RBM42: variants seen among roughly 807,000 people sequenced by gnomAD.
RBM42 encodes the protein RNA binding motif protein 42, also known as RNA-binding protein 42.
RBM42 carries 21 observed loss-of-function variants against 41.4 expected under a neutral mutation model. That is an observed-to-expected ratio of 0.51 (90% confidence interval 0.36 to 0.73). The LOEUF (loss-of-function observed/expected upper bound fraction) is 0.73. RBM42 is among the 30% of genes least tolerant of loss of function. RBM42 has a pLI of 0.00. For missense variants in RBM42, 539 were observed against 680.4 expected, an observed-to-expected ratio of 0.79 and a Z score of 2.31; for synonymous variants, 272 against 271.2, an observed-to-expected ratio of 1.00 and a Z score of -0.03.
chr19:35,634,932 C>G (rs1967470964), intron 8 of RBM42, among the ~76,000 whole-genome samples: 1 of 152,078 alleles, frequency 6.6e-6, no homozygotes, highest in Admixed American at 6.5e-5. Context: ...GTGTATGTAT[C>G]TGGTTTCTTT....
chr19:35,637,652 AAAACCAGTTTCAAT>A lies in RBM42; in HGVS notation c.*102_*115del, dbSNP rs1967523570. 1.1e-6 allele frequency: 1 copy of A among 897,152 alleles called. No homozygotes were observed. The highest frequency in any genetic ancestry group is 1.7e-5 in the African/African-American group (1 of 59,016). The allele number at this position is 897,152 out of a possible 1,614,324, so 55.6% of individuals were successfully genotyped here. A position where few individuals can be genotyped will look rare whatever the true frequency, so the allele number is the denominator to read the frequency against. ...CAGCTGTCCACCCATCCCCTGCCCC[AAAACCAGTTTCAAT>A]AAATTTACGTTCATTTCCACCCCTG... On this transcript the variant is annotated 3_prime_UTR_variant, in exon 10 of 10. Coordinates refer to ENST00000262633, the MANE Select transcript of RBM42 (RefSeq NM_024321.5). The surrounding 1 kb of genome is among the most constrained non-coding windows in gnomAD (Gnocchi z 7.0).
At position 35,633,102 on chromosome 19, in the gene RBM42, C is replaced by T. The variant is rs1034844747; in HGVS notation, c.534C>T (p.Ala178=). 1.8e-5 allele frequency: 29 copies of T among 1,612,598 alleles called. No homozygotes were observed. Among genetic ancestry groups the T allele is most frequent in the African/African-American group, 9.3e-5 (7 of 74,898 alleles). ...ATTCCGCTCTCTCCTCTGCAGCAGC[C>T]GGCCCCCGCCCTATGGCCCTACGGC... ...RADSALSSAA[A]GPRPMALRPP... is the part of the protein sequence containing the mutation. The change falls in exon 6 of 10, where the codon GCC becomes GCT. Residue 178 remains alanine, a synonymous_variant. Coordinates refer to ENST00000262633, the MANE Select transcript of RBM42 (RefSeq NM_024321.5).
rs1967458143 is a variant in RBM42 at position 35,634,242 on chromosome 19, C to T, written c.1018-14C>T. On this transcript the variant is annotated splice_polypyrimidine_tract_variant and intron_variant, in intron 7 of 9. Coordinates refer to ENST00000262633, the MANE Select transcript of RBM42 (RefSeq NM_024321.5). ...AATACCAACCCCTTTGCACCTCTCC[C>T]CTTTCCTCTGCAGGTCCCAGAGCCC... is the stretch of plus-strand genomic sequence containing the variant. 1 of 1,612,584 alleles carries T rather than the reference C, an allele frequency of 6.2e-7. No homozygotes were observed. Among genetic ancestry groups the T allele is most frequent in the Non-Finnish European group, 8.5e-7 (1 of 1,178,670 alleles).
In RBM42 at chr19:35,631,409, A is replaced by G; in HGVS notation, c.442+4A>G. 6.2e-7 allele frequency: 1 copy of G among 1,613,978 alleles called. No individual in the cohort carries two copies. Among genetic ancestry groups the G allele is most frequent in the East Asian group, 2.2e-5 (1 of 44,878 alleles). ...GCCATGTTCCTGCGGCGGGCAGGTG[A>G]GTCTGGGGCCAGGGACCCCCACATT... On this transcript the variant is annotated splice_donor_region_variant and intron_variant, in intron 4 of 9. Coordinates refer to ENST00000262633, the MANE Select transcript of RBM42 (RefSeq NM_024321.5).
chr19:35,629,281 T>G lies in RBM42; in HGVS notation c.128T>G (p.Leu43Arg). The G allele has an allele frequency of 6.6e-7, 1 of 1,526,080 alleles. No individual in the cohort carries two copies. The highest frequency in any genetic ancestry group is 8.8e-7 in the Non-Finnish European group (1 of 1,140,092). The allele number at this position is 1,526,080 out of a possible 1,614,324, so 94.5% of individuals were successfully genotyped here. Residue 43 changes from leucine (L) to arginine (R), a missense_variant and splice_region_variant, in exon 1 of 10, where the codon CTG (leucine) becomes CGG (arginine). Leu to Arg is a moderately radical substitution (Grantham distance 102). Transcript: ENST00000262633. ...AAGGAAATGGAGGCGGAGATGGCCCTGTAAGGCCCGCGACAGAGAGTGATA... is the reference window on the plus strand; with the variant it reads ...AAGGAAATGGAGGCGGAGATGGCCCGGTAAGGCCCGCGACAGAGAGTGATA... ...RLKEMEAEMA[L>R]FEQEVLGAPV...
Position 35,633,668 on chromosome 19 carries a change from G to T in RBM42, c.685-19G>T. 1 of 1,422,496 alleles carries T rather than the reference G, an allele frequency of 7.0e-7. No homozygotes were observed. The allele number at this position is 1,422,496 out of a possible 1,614,324, so 88.1% of individuals were successfully genotyped here. The stretch of plus-strand genomic sequence containing the variant: ...GAGCCTGTGAGCCGGCCCCCCTCAT[G>T]CTCTCCTCTTACCCACAGGAAGAGC... On this transcript the variant is annotated intron_variant, in intron 6 of 9. Coordinates refer to ENST00000262633, the MANE Select transcript of RBM42 (RefSeq NM_024321.5).
chr19:35,629,408 G>A, intron 1 of RBM42, 112 bp from the exon 2 acceptor site: 16 of 1,537,174 alleles, frequency 1.0e-5, no homozygotes, highest in Non-Finnish European at 1.3e-5. Flanking sequence ...TCGGGATTGT[G>A]GGGGCGGGGA....
chr19:35,634,331 G>T lies in RBM42; in HGVS notation c.1093G>T (p.Gly365Trp). The T allele has an allele frequency of 6.2e-7, 1 of 1,614,150 alleles. No individual in the cohort carries two copies. The highest frequency in any genetic ancestry group is 1.1e-5 in the South Asian group (1 of 91,032). ...KLKRCIRTAA[G>W]SSWEDPSLLE... ...GAAACGGTGCATTCGCACAGCGGCA[G>T]GGAGCAGCTGGGAGGACCCCAGCCT... The change falls in exon 8 of 10, where the codon GGG (glycine) becomes TGG (tryptophan). Residue 365 changes from glycine to tryptophan, a missense_variant. Around this residue, in one of 2 missense-constraint regions of RBM42, gnomAD observed 110 missense variants for 191.5 expected, o/e 0.57. Coordinates refer to ENST00000262633, the MANE Select transcript of RBM42 (RefSeq NM_024321.5).
At chr19:35,634,227 C>T (rs1385425141) in intron 7 of RBM42, 29 bp from the exon 8 acceptor site, 1 of 1,605,480 alleles carries the variant, frequency 6.2e-7, no homozygotes. Flanking sequence ...AATACCAACC[C>T]CTTTGCACCT....
At position 35,629,575 on chromosome 19, in the gene RBM42, G is replaced by A. The variant is rs779298768; in HGVS notation, c.184G>A (p.Ala62Thr). The A allele has an allele frequency of 6.2e-7, 1 of 1,614,202 alleles. No individual in the cohort carries two copies. The highest frequency in any genetic ancestry group is 8.5e-7 in the Non-Finnish European group (1 of 1,180,034). ...PVPGIPTAVP[A>T]VPTVPTVPTV... ...ACCTGGAATCCCAACTGCTGTGCCT[G>A]CGGTGCCCACTGTCCCCACGGTCCC... Residue 62 changes from alanine (A) to threonine (T), a missense_variant, in exon 2 of 10, where the codon GCG becomes ACG. Around this residue, in one of 2 missense-constraint regions of RBM42, gnomAD observed 429 missense variants for 488.9 expected, o/e 0.88. Coordinates refer to ENST00000262633, the MANE Select transcript of RBM42 (RefSeq NM_024321.5).
Position 35,633,931 on chromosome 19 carries a change from C to A in RBM42, c.929C>A (p.Pro310His). 6.3e-7 allele frequency: 1 copy of A among 1,582,470 alleles called. No individual in the cohort carries two copies. Among genetic ancestry groups the A allele is most frequent in the East Asian group, 2.3e-5 (1 of 43,892 alleles). ...TTGGAGGTCGTCCGCGGCCTCCTGC[C>A]CCCGCTGCGCATTCCTGAACTCCTG... is the stretch of plus-strand genomic sequence containing the variant. ...LPLEVVRGLL[P>H]PLRIPELLSL... Residue 310 changes from proline to histidine, a missense_variant, in exon 7 of 10, where the codon CCC (proline) becomes CAC (histidine). Pro to His is a moderately conservative substitution (Grantham distance 77). Coordinates refer to ENST00000262633, the MANE Select transcript of RBM42 (RefSeq NM_024321.5).
chr19:35,630,906 G>A (rs1967393952), intron 2 of RBM42, among the ~76,000 whole-genome samples: 1 of 152,254 alleles, frequency 6.6e-6, no homozygotes, highest in South Asian at 2.1e-4. Context: ...CACAGTTTCA[G>A]TGGGTGCTAA....
chr19:35,631,378 C>T lies in RBM42; in HGVS notation c.415C>T (p.Arg139Ter). 4 of 1,614,226 alleles carry T rather than the reference C, an allele frequency of 2.5e-6. No individual in the cohort carries two copies. The highest frequency in any genetic ancestry group is 3.4e-6 in the Non-Finnish European group (4 of 1,180,038). ...DRSHLDSPEA[R>*]EAMFLRRAAV... ...GAGTCACCTGGACAGCCCAGAGGCTCGAGAAGCCATGTTCCTGCGGCGGGC... is the reference window on the plus strand; with the variant it reads ...GAGTCACCTGGACAGCCCAGAGGCTTGAGAAGCCATGTTCCTGCGGCGGGC... The change falls in exon 4 of 10, where the codon CGA becomes TGA. Residue 139 changes from arginine (R) to a stop codon, truncating the protein, a stop_gained. Transcript: ENST00000262633. LOFTEE classifies it high-confidence loss of function.
chr19:35,636,703 G>A (rs542090320), intron 8 of RBM42, among the ~76,000 whole-genome samples: 1 of 152,294 alleles, frequency 6.6e-6, no homozygotes, highest in East Asian at 1.9e-4. Flanking sequence ...GTGCCATGAC[G>A]GGCAGCCAGT....
Position 35,631,618 on chromosome 19 carries a change from C to T in RBM42, c.442+213C>T, listed in dbSNP as rs937856569. ...CAAACCAACCCTCCTGCTGTCAGTC[C>T]TAATTCCCAGTTACCACAGCACTTA... is the stretch of plus-strand genomic sequence containing the variant. On this transcript the variant is annotated intron_variant, in intron 4 of 9. Coordinates refer to ENST00000262633, the MANE Select transcript of RBM42 (RefSeq NM_024321.5). The T allele has an allele frequency of 3.7e-5, 22 of 593,730 alleles. No homozygotes were observed. In the South Asian group the frequency reaches 4.5e-4, roughly 12 times the overall value. 36.8% of individuals were successfully genotyped at this position (593,730 alleles called of 1,614,324 possible).
intron 2 of RBM42, among the ~76,000 whole-genome samples, chr19:35,630,610 A>G (rs1365693958): frequency 1.3e-5 from 2 of 152,156 alleles, no homozygotes; most frequent in Non-Finnish European, 2.9e-5. Flanking sequence ...TATTAAAAAT[A>G]CAAAAATTAG....
intron 8 of RBM42, among the ~76,000 whole-genome samples, chr19:35,635,415 A>G (rs1967480449): frequency 6.6e-6 from 1 of 151,674 alleles, no homozygotes; most frequent in African/African-American, 2.4e-5. Context: ...TTCAGTTTAT[A>G]TTCGTATTTC....
Position 35,629,618 on chromosome 19 carries a change from A to G in RBM42, c.227A>G (p.Gln76Arg). 10 of 1,614,204 alleles carry G rather than the reference A, an allele frequency of 6.2e-6. No individual in the cohort carries two copies. Among genetic ancestry groups the G allele is most frequent in the Non-Finnish European group, 8.5e-6 (10 of 1,180,034 alleles). The change falls in exon 2 of 10, where the codon CAG becomes CGG. Residue 76 changes from glutamine to arginine, a missense_variant. This residue lies in a region of RBM42 where 429 missense variants were observed against 488.9 expected (regional missense o/e 0.88). Transcript: ENST00000262633. ...VPTVPTVEAM[Q>R]VPAAPVIRPI... ...ACGGTCCCCACAGTAGAAGCGATGCAGGTCCCAGCGGCTCCTGTGATCCGC... is the reference window on the plus strand; with the variant it reads ...ACGGTCCCCACAGTAGAAGCGATGCGGGTCCCAGCGGCTCCTGTGATCCGC...
chr19:35,629,566 GCTGTGCCTGCGGTGCCCA>G lies in RBM42; in HGVS notation c.180_197del (p.Ala62_Pro67del). Reference sequence around the variant, plus strand: ...GGCTCCAGTACCTGGAATCCCAACTGCTGTGCCTGCGGTGCCCACTGTCCCCACGGTCCCCACAGTAGA... The same window carrying G: ...GGCTCCAGTACCTGGAATCCCAACTGCTGTCCCCACGGTCCCCACAGTAGA... On this transcript the variant is annotated inframe_deletion, in exon 2 of 10. Coordinates refer to ENST00000262633, the MANE Select transcript of RBM42 (RefSeq NM_024321.5). The G allele has an allele frequency of 1.9e-6, 3 of 1,614,232 alleles. No individual in the cohort carries two copies. The highest frequency in any genetic ancestry group is 2.5e-6 in the Non-Finnish European group (3 of 1,180,050).
Sources: allele counts gnomAD v4.1 joint callset (sites outside exome capture counted in the v4.1 genomes callset), GRCh38; gene constraint gnomAD v4.1.1; regional missense constraint gnomAD v4.1.1; non-coding constraint Gnocchi (gnomAD v3.1); transcripts MANE v1.5; gene names NCBI Gene and HGNC (gene_info 2026-07-23, HGNC 2026-07-21).